The following TRIB3 variants were observed in gnomAD, a reference collection of about 807,000 sequenced individuals.
The protein encoded by TRIB3 is tribbles homolog 3.
In TRIB3, 20 loss-of-function variants were observed where a neutral mutation model predicts 16.6. The observed-to-expected ratio is 1.20, with a 90% CI of 0.85 to 1.75. TRIB3 has a LOEUF of 1.75. TRIB3 is among the 40% of genes most tolerant of loss of function. The pLI is 0.00. For missense variants in TRIB3, 484 were observed against 488.9 expected (o/e 0.99, Z 0.10); for synonymous variants, 208 against 217.0 (o/e 0.96, Z 0.36).
intron 3 of TRIB3, among the ~76,000 whole-genome samples, chr20:393,114 C>A (rs929483112): frequency 2.1e-5 from 2 of 96,572 alleles, no homozygotes; most frequent in African/African-American, 1.0e-4. Context: ...ATCCTTTAAC[C>A]AGTGCTCTCC....
At chr20:389,950 T>A (rs1438366328) in intron 2 of TRIB3, among the ~76,000 whole-genome samples, 7 of 152,202 alleles carry the variant, frequency 4.6e-5, no homozygotes, top group Admixed American at 2.0e-4. Flanking sequence ...TGTACCATGC[T>A]GTGGTTAAAA....
chr20:382,714 G>T, intron 1 of TRIB3: 1 of 889,660 alleles, frequency 1.1e-6, no homozygotes, highest in South Asian at 1.4e-5. Flanking sequence ...CACTTTACAG[G>T]AACTGAGGCT....
chr20:389,940 T>C (rs2014927990), intron 2 of TRIB3, among the ~76,000 whole-genome samples: 1 of 152,198 alleles, frequency 6.6e-6, no homozygotes, highest in African/African-American at 2.4e-5. Flanking sequence ...GTATTTGCCA[T>C]GTACCATGCT....
At chr20:387,222 A>G (rs2014842816) in intron 1 of TRIB3, among the ~76,000 whole-genome samples, 1 of 152,100 alleles carries the variant, frequency 6.6e-6, no homozygotes. Flanking sequence ...AGAATAAAAA[A>G]AAATTAGTCA....
At chr20:381,743 G>GA (rs1290181289) in intron 1 of TRIB3, among the ~76,000 whole-genome samples, 6 of 58,014 alleles carry the variant, frequency 1.0e-4, no homozygotes, top group Non-Finnish European at 2.4e-4. Flanking sequence ...GGGGTGCCCT[G>GA]GAGCGGGGGA....
intron 1 of TRIB3, among the ~76,000 whole-genome samples, chr20:385,177 A>G (rs1271562876): frequency 1.3e-5 from 2 of 152,160 alleles, no homozygotes; most frequent in Non-Finnish European, 2.9e-5. Flanking sequence ...CAATGACACT[A>G]TCTCAGCTCA....
chr20:381,720 C>T (rs2014656388), intron 1 of TRIB3, among the ~76,000 whole-genome samples: 1 of 145,974 alleles, frequency 6.9e-6, no homozygotes, highest in African/African-American at 2.5e-5. Flanking sequence ...GGGGACACCG[C>T]CGGGACAGGG....
rs760396962 is a variant in TRIB3, at chr20:396,324, C to T, written c.711C>T (p.Tyr237=). The change falls in exon 4 of 4, where the codon TAC becomes TAT. Residue 237 remains tyrosine, a synonymous_variant. Coordinates refer to ENST00000217233, the MANE Select transcript of TRIB3 (RefSeq NM_021158.5). ...GPEILSSRAS[Y]SGKAADVWSL... ...AGATACTCAGCTCACGGGCCTCATA[C>T]TCGGGCAAGGCAGCCGATGTCTGGA... is the stretch of plus-strand genomic sequence containing the variant. 7 of 1,613,670 alleles carry T rather than the reference C, an allele frequency of 4.3e-6. No homozygotes were observed. Among genetic ancestry groups the T allele is most frequent in the Non-Finnish European group, 4.2e-6 (5 of 1,180,040 alleles).
At chr20:391,760 G>A (rs997662457) in intron 3 of TRIB3, among the ~76,000 whole-genome samples, 181 bp downstream of exon 3, 1 of 152,144 alleles carries the variant, frequency 6.6e-6, no homozygotes, top group Non-Finnish European at 1.5e-5. Flanking sequence ...AGTGGCTCAC[G>A]CCTTTAATCC....
rs113715168 is a variant in TRIB3, at chr20:390,800, G to A, written c.292-487G>A. ...GAGGATCACCTGAGGTCAGGAGTTC[G>A]AGACCAGCTTAGCCAACATGATGAA... On this transcript the variant is annotated intron_variant, in intron 2 of 3. Coordinates refer to ENST00000217233, the MANE Select transcript of TRIB3 (RefSeq NM_021158.5). Among the ~76,000 whole-genome samples, 7 of 152,146 alleles carry A rather than the reference G, an allele frequency of 4.6e-5. No individual in the cohort carries two copies. In the East Asian group the frequency reaches 5.8e-4, roughly 13 times the overall value.
At chr20:381,642 CT>C (rs2014652969) in intron 1 of TRIB3, 1 of 152,782 alleles carries the variant, frequency 6.5e-6, no homozygotes, top group Non-Finnish European at 1.5e-5. Context: ...TCCCGAGCAC[CT>C]GTGTCTCAGG....
rs2015146669 is a variant in TRIB3 at position 396,896 on chromosome 20, C to T, written c.*206C>T. The T allele has an allele frequency of 8.9e-6, 6 of 675,846 alleles. No homozygotes were observed. The Admixed American group carries it at 1.9e-4, about 21-fold the overall frequency. 41.9% of individuals were successfully genotyped at this position (675,846 alleles called of 1,614,324 possible). A position where few individuals can be genotyped will look rare whatever the true frequency, so the allele number is the denominator to read the frequency against. On this transcript the variant is annotated 3_prime_UTR_variant, in exon 4 of 4. Coordinates refer to ENST00000217233, the MANE Select transcript of TRIB3 (RefSeq NM_021158.5). Reference sequence around the variant, plus strand: ...TTGGGTGCTTATCAGGTGCCAAGCCCTGTTCTCGGTGCTGGGAGTACAGCA... The same window carrying T: ...TTGGGTGCTTATCAGGTGCCAAGCCTTGTTCTCGGTGCTGGGAGTACAGCA...
At chr20:394,770 A>C (rs1279823823) in intron 3 of TRIB3, among the ~76,000 whole-genome samples, 1 of 151,694 alleles carries the variant, frequency 6.6e-6, no homozygotes, top group Non-Finnish European at 1.5e-5. Context: ...TGGGTGGCAG[A>C]GTGAGACCCT....
chr20:394,716 T>G (rs2015078397), intron 3 of TRIB3, among the ~76,000 whole-genome samples: 1 of 151,630 alleles, frequency 6.6e-6, no homozygotes, highest in Non-Finnish European at 1.5e-5. Context: ...AGCCCAGAAG[T>G]TTGAGGCTGC....
At position 396,809 on chromosome 20, in the gene TRIB3, G is replaced by A; in HGVS notation, c.*119G>A. The A allele has an allele frequency of 7.0e-7, 1 of 1,431,894 alleles. No homozygotes were observed. The highest frequency in any genetic ancestry group is 9.3e-7 in the Non-Finnish European group (1 of 1,071,474). 88.7% of individuals were successfully genotyped at this position (1,431,894 alleles called of 1,614,324 possible). On this transcript the variant is annotated 3_prime_UTR_variant, in exon 4 of 4. Transcript: ENST00000217233. ...GTGCCTTCCAGAAGGGAGAAAGGCA[G>A]AAGCCTGTGTGGAGTGTGCTGTGTA...
At chr20:381,713 G>A (rs1404652509) in intron 1 of TRIB3, among the ~76,000 whole-genome samples, 1 of 150,618 alleles carries the variant, frequency 6.6e-6, no homozygotes, top group African/African-American at 2.4e-5. Flanking sequence ...CGGTGCAGGG[G>A]ACACCGCCGG....
rs529115557 is a variant in TRIB3, at chr20:396,339, C to T, written c.726C>T (p.Ala242=). Residue 242 remains alanine, a synonymous_variant, in exon 4 of 4, where the codon GCC becomes GCT. Transcript: ENST00000217233. ...GGGCCTCATACTCGGGCAAGGCAGCCGATGTCTGGAGCCTGGGCGTGGCGC... is the reference window on the plus strand; with the variant it reads ...GGGCCTCATACTCGGGCAAGGCAGCTGATGTCTGGAGCCTGGGCGTGGCGC... ...SSRASYSGKA[A]DVWSLGVALF... 80 of 1,613,752 alleles carry T rather than the reference C, an allele frequency of 5.0e-5. No homozygotes were observed. The highest frequency in any genetic ancestry group is 1.5e-4 in the African/African-American group (11 of 75,062).
chr20:384,658 A>G (rs28393574), intron 1 of TRIB3, among the ~76,000 whole-genome samples: 18,112 of 152,170 alleles, frequency 0.12, 1,248 homozygotes, highest in Non-Finnish European at 0.16. Context: ...CACTGCGCCC[A>G]GCCTTCAATA....
chr20:390,453 C>T (rs1004313742), intron 2 of TRIB3, among the ~76,000 whole-genome samples: 2 of 152,174 alleles, frequency 1.3e-5, no homozygotes, highest in Non-Finnish European at 2.9e-5. Flanking sequence ...CAGTGGGCAC[C>T]GGAGAGCAGA....
Sources: gnomAD v4.1 joint callset for allele counts (sites outside exome capture counted in the v4.1 genomes callset) on GRCh38, gnomAD v4.1.1 for gene constraint, MANE v1.5 for transcripts, NCBI Gene and HGNC (gene_info 2026-07-23, HGNC 2026-07-21) for gene names.